CCDC69: variants seen among roughly 807,000 people sequenced by gnomAD.
The protein encoded by CCDC69 is coiled-coil domain containing 69.
In CCDC69, 38 loss-of-function variants were observed where a neutral mutation model predicts 40.3. The ratio of observed to expected loss-of-function variants is 0.94; its 90% CI spans 0.73 to 1.24. CCDC69 has a LOEUF of 1.24. CCDC69 is among the 50% of genes most tolerant of loss of function. The pLI is 0.00. For missense variants in CCDC69, 389 were observed against 357.9 expected, an observed-to-expected ratio of 1.09 and a Z score of -0.70; for synonymous variants, 141 against 138.9, an observed-to-expected ratio of 1.02 and a Z score of -0.11.
At chr5:151,203,923 TACTAATAA>T (rs1172845239) in intron 2 of CCDC69, among the ~76,000 whole-genome samples, 16 of 142,598 alleles carry the variant, frequency 1.1e-4, no homozygotes, top group Admixed American at 3.6e-4. Context: ...ATAGTATATA[TACTAATAA>T]ATAAAATATA....
intron 1 of CCDC69, among the ~76,000 whole-genome samples, chr5:151,216,584 T>A (rs1389045321): frequency 6.6e-6 from 1 of 151,502 alleles, no homozygotes; most frequent in East Asian, 1.9e-4. Context: ...CCCGGCTAAT[T>A]TTTGTATTTT....
intron 2 of CCDC69, 35 bp downstream of exon 2, chr5:151,205,365 T>C (rs1752838665): frequency 6.6e-7 from 1 of 1,510,068 alleles, no homozygotes; most frequent in East Asian, 2.3e-5. Flanking sequence ...ACCTCACAGA[T>C]GGCAGTTGGG....
chr5:151,202,400 T>A (rs369339759), intron 2 of CCDC69, among the ~76,000 whole-genome samples: 219 of 152,304 alleles, frequency 1.4e-3, no homozygotes, highest in Middle Eastern at 0.01. Flanking sequence ...TTGTTGATAC[T>A]TAATAACTGG....
chr5:151,196,705 A>AG (rs397882766), intron 4 of CCDC69, among the ~76,000 whole-genome samples: 1 of 119,728 alleles, frequency 8.4e-6, no homozygotes, highest in Admixed American at 7.9e-5. Flanking sequence ...GGATAGCAAC[A>AG]GGTGTTGCAG....
At chr5:151,221,722 G>C (rs543352336) in intron 1 of CCDC69, among the ~76,000 whole-genome samples, 1 of 152,354 alleles carries the variant, frequency 6.6e-6, no homozygotes, top group East Asian at 1.9e-4. Flanking sequence ...AGACTGGGCG[G>C]GATGTGAAAG....
At chr5:151,218,275 A>G (rs1411041227) in intron 1 of CCDC69, among the ~76,000 whole-genome samples, 2 of 152,230 alleles carry the variant, frequency 1.3e-5, no homozygotes, top group African/African-American at 4.8e-5. Flanking sequence ...TTCTCTGCCA[A>G]GGTGGGACAG....
chr5:151,214,889 C>T (rs538145617), intron 1 of CCDC69, among the ~76,000 whole-genome samples: 1 of 152,340 alleles, frequency 6.6e-6, no homozygotes, highest in South Asian at 2.1e-4. Context: ...TGCAAGGCCT[C>T]ACTTCACAGA....
chr5:151,187,228 T>C (rs1253286720), intron 5 of CCDC69, among the ~76,000 whole-genome samples, 158 bp downstream of exon 5: 3 of 152,230 alleles, frequency 2.0e-5, no homozygotes, highest in Non-Finnish European at 2.9e-5. Context: ...ATAGCCTGGT[T>C]ACTACATCAA....
chr5:151,203,336 G>A (rs559752778), intron 2 of CCDC69, among the ~76,000 whole-genome samples: 6 of 151,362 alleles, frequency 4.0e-5, no homozygotes, highest in East Asian at 1.9e-4. Context: ...GTGAAGCCCC[G>A]TCTCTACCAA....
intron 2 of CCDC69, among the ~76,000 whole-genome samples, chr5:151,202,499 G>C (rs768929092): frequency 6.6e-6 from 1 of 152,320 alleles, no homozygotes; most frequent in African/African-American, 2.4e-5. Context: ...TCAACCAGGG[G>C]CTGGAGCCAG....
intron 1 of CCDC69, among the ~76,000 whole-genome samples, chr5:151,219,945 T>C (rs1002822844): frequency 6.6e-6 from 1 of 152,094 alleles, no homozygotes; most frequent in Non-Finnish European, 1.5e-5. Flanking sequence ...TGGCCACTTA[T>C]TCCTCATGAG....
chr5:151,204,416 C>T (rs1397348114), intron 2 of CCDC69, among the ~76,000 whole-genome samples: 1 of 152,198 alleles, frequency 6.6e-6, no homozygotes, highest in African/African-American at 2.4e-5. Flanking sequence ...ACAATATTCC[C>T]AACAGCCTCT....
chr5:151,190,665 CAAAAAAAAAAAA>C (rs35015191), intron 4 of CCDC69, among the ~76,000 whole-genome samples: 17 of 93,538 alleles, frequency 1.8e-4, no homozygotes, highest in Non-Finnish European at 4.1e-5. Context: ...GACTCTGTCT[CAAAAAAAAAAAA>C]AAAAAAAAGG....
chr5:151,198,757 A>G lies in CCDC69; in HGVS notation c.319+240T>C, dbSNP rs1009673909. 1.4e-5 allele frequency: 6 copies of G among 417,744 alleles called. No homozygotes were observed. The Admixed American group carries it at 1.6e-4, about 11-fold the overall frequency. The allele number at this position is 417,744 out of a possible 1,614,324, so 25.9% of individuals were successfully genotyped here. On this transcript the variant is annotated intron_variant, in intron 4 of 8. Coordinates refer to ENST00000355417, the MANE Select transcript of CCDC69 (RefSeq NM_015621.3). ...TAAATATGGATTGCTTTTTAAATGG[A>G]AAGAAAAAAATACCTCTCAAATAAG...
intron 4 of CCDC69, among the ~76,000 whole-genome samples, chr5:151,195,083 T>G (rs1281189827): frequency 2.0e-5 from 3 of 152,104 alleles, no homozygotes; most frequent in Non-Finnish European, 2.9e-5. Context: ...ACATATAAAA[T>G]GTCATATATT....
Position 151,183,501 on chromosome 5 carries a change from T to A in CCDC69, c.827A>T (p.Asn276Ile). The change falls in exon 9 of 9, where the codon AAT becomes ATT. Residue 276 changes from asparagine to isoleucine, a missense_variant. Asn to Ile is a moderately radical substitution (Grantham distance 149, BLOSUM62 -3). Coordinates refer to ENST00000355417, the MANE Select transcript of CCDC69 (RefSeq NM_015621.3). Reference sequence around the variant, plus strand: ...GGCCAGAGGGAAGGCAGGCGAGGCATTGGCCCCAAGGACCCGGTACAACAG... The same window carrying A: ...GGCCAGAGGGAAGGCAGGCGAGGCAATGGCCCCAAGGACCCGGTACAACAG... ...EELLYRVLGANASPAFPLAPV... is the reference protein window; with the variant it reads ...EELLYRVLGAIASPAFPLAPV... 1 of 1,608,080 alleles carries A rather than the reference T, an allele frequency of 6.2e-7. No individual in the cohort carries two copies. The highest frequency in any genetic ancestry group is 1.3e-5 in the African/African-American group (1 of 75,052).
chr5:151,185,692 G>A (rs895608038), intron 6 of CCDC69, 151 bp from the exon 7 acceptor site: 21 of 806,356 alleles, frequency 2.6e-5, no homozygotes, highest in Middle Eastern at 3.2e-4. Flanking sequence ...CCCTGTATCC[G>A]AATATCACCT....
intron 7 of CCDC69, 50 bp downstream of exon 7, chr5:151,185,362 GGAAACACCCA>G (rs1752479979): frequency 1.9e-6 from 3 of 1,596,578 alleles, no homozygotes; most frequent in Non-Finnish European, 2.6e-6. Context: ...GCTTTACAAA[GGAAACACCCA>G]GAAAGCGGGA....
At position 151,184,332 on chromosome 5, in the gene CCDC69, G is replaced by A; in HGVS notation, c.713+12C>T. ...GTGGGGATGGGAGTAAAGGAGGCAG[G>A]AAGACAGCTACCTTGACAGGACCAC... is the stretch of plus-strand genomic sequence containing the variant. On this transcript the variant is annotated intron_variant, in intron 8 of 8. Transcript: ENST00000355417. 3.1e-6 allele frequency: 5 copies of A among 1,607,336 alleles called. No individual in the cohort carries two copies. Among genetic ancestry groups the A allele is most frequent in the African/African-American group, 1.3e-5 (1 of 74,886 alleles).
Sources: gnomAD v4.1 joint callset for allele counts (sites outside exome capture counted in the v4.1 genomes callset) on GRCh38, gnomAD v4.1.1 for gene constraint, MANE v1.5 for transcripts, NCBI Gene and HGNC (gene_info 2026-07-23, HGNC 2026-07-21) for gene names.